The following EXOC6B variants were observed in gnomAD, a reference collection of about 807,000 sequenced individuals.
EXOC6B encodes exocyst complex component 6B.
In EXOC6B, 54 loss-of-function variants were observed where a neutral mutation model predicts 113.5. The ratio of observed to expected loss-of-function variants is 0.48; its 90% CI spans 0.38 to 0.60. The LOEUF (loss-of-function observed/expected upper bound fraction) is 0.60. EXOC6B is among the 20% of genes least tolerant of loss of function. The pLI is 0.00. For synonymous variants in EXOC6B, 357 were observed against 339.0 expected, an observed-to-expected ratio of 1.05 and a Z score of -0.58; for missense variants, 797 against 977.5, an observed-to-expected ratio of 0.82 and a Z score of 2.46.
At chr2:72,724,698 T>A (rs1043539765) in intron 5 of EXOC6B, among the ~76,000 whole-genome samples, 1 of 152,122 alleles carries the variant, frequency 6.6e-6, no homozygotes, top group Non-Finnish European at 1.5e-5. Context: ...TGTACATGTA[T>A]GTAAAGAAAA....
intron 17 of EXOC6B, among the ~76,000 whole-genome samples, chr2:72,466,017 G>T (rs553765073): frequency 1.8e-4 from 27 of 152,072 alleles, no homozygotes; most frequent in Non-Finnish European, 3.1e-4. Context: ...TCATATATGC[G>T]AGTGTTTCAT....
chr2:72,664,270 T>C (rs1675228646), intron 6 of EXOC6B, among the ~76,000 whole-genome samples: 1 of 151,352 alleles, frequency 6.6e-6, no homozygotes, highest in African/African-American at 2.4e-5. Context: ...AAACAGATCT[T>C]CAGAGAGAAA....
intron 20 of EXOC6B, among the ~76,000 whole-genome samples, chr2:72,274,827 AGTTT>A (rs1177782969): frequency 4.6e-5 from 7 of 152,198 alleles, no homozygotes; most frequent in Admixed American, 4.6e-4. Flanking sequence ...GAAGCTAAAC[AGTTT>A]GTTTAGTCTA....
intron 18 of EXOC6B, among the ~76,000 whole-genome samples, chr2:72,449,088 A>C (rs1218180241): frequency 6.6e-6 from 1 of 152,272 alleles, no homozygotes; most frequent in Non-Finnish European, 1.5e-5. Context: ...GCTTTTGGAA[A>C]TCTCCAGCCA....
At chr2:72,741,260 C>T (rs1319719382) in intron 2 of EXOC6B, 44 bp downstream of exon 2, 4 of 1,566,398 alleles carry the variant, frequency 2.6e-6, no homozygotes, top group Non-Finnish European at 3.5e-6. Flanking sequence ...TAATCAAAAC[C>T]CCAACACAGG....
chr2:72,355,192 C>T (rs1260260436), intron 19 of EXOC6B, among the ~76,000 whole-genome samples: 1 of 152,090 alleles, frequency 6.6e-6, no homozygotes, highest in Non-Finnish European at 1.5e-5. Flanking sequence ...AATGAATGAG[C>T]TATTGATTAC....
At chr2:72,507,945 A>T (rs1273344653) in intron 11 of EXOC6B, among the ~76,000 whole-genome samples, 1 of 150,150 alleles carries the variant, frequency 6.7e-6, no homozygotes, top group Non-Finnish European at 1.5e-5. Flanking sequence ...ACAAAAAAAC[A>T]TTGCTTTAGA....
intron 1 of EXOC6B, among the ~76,000 whole-genome samples, chr2:72,773,030 T>A (rs1558990407): frequency 1.3e-5 from 2 of 150,032 alleles, no homozygotes; most frequent in Non-Finnish European, 3.0e-5. Flanking sequence ...CAGAGAACTA[T>A]AAAAGAACAT....
intron 5 of EXOC6B, among the ~76,000 whole-genome samples, chr2:72,728,767 A>C (rs1303384714): frequency 6.6e-6 from 1 of 152,178 alleles, no homozygotes; most frequent in East Asian, 1.9e-4. Flanking sequence ...GAACCCAGGA[A>C]ATATACACAG....
chr2:72,530,643 C>G (rs1418766104), intron 8 of EXOC6B, among the ~76,000 whole-genome samples: 2 of 152,068 alleles, frequency 1.3e-5, no homozygotes, highest in Non-Finnish European at 2.9e-5. Context: ...AAATCCTGAC[C>G]AGTCATTTTA....
chr2:72,779,093 T>G (rs544863495), intron 1 of EXOC6B, among the ~76,000 whole-genome samples: 1 of 152,124 alleles, frequency 6.6e-6, no homozygotes, highest in Non-Finnish European at 1.5e-5. Context: ...ATTTTTCACT[T>G]ATCATCTTGC....
At chr2:72,513,841 T>G (rs1701071907) in intron 10 of EXOC6B, among the ~76,000 whole-genome samples, 1 of 152,078 alleles carries the variant, frequency 6.6e-6, no homozygotes, top group Non-Finnish European at 1.5e-5. Flanking sequence ...GCCTGCATTG[T>G]CTTGCCTAAA....
At chr2:72,588,538 G>T (rs1705725907) in intron 6 of EXOC6B, among the ~76,000 whole-genome samples, 1 of 151,902 alleles carries the variant, frequency 6.6e-6, no homozygotes, top group South Asian at 2.1e-4. Flanking sequence ...GGAATATGGG[G>T]CGTTAATGTT....
chr2:72,308,296 A>G (rs1361386835), intron 20 of EXOC6B, among the ~76,000 whole-genome samples: 1 of 152,188 alleles, frequency 6.6e-6, no homozygotes, highest in African/African-American at 2.4e-5. Flanking sequence ...ATCTTTAAAC[A>G]TCTCAGCTCT....
chr2:72,394,792 T>G (rs955080022), intron 18 of EXOC6B, among the ~76,000 whole-genome samples: 1 of 152,134 alleles, frequency 6.6e-6, no homozygotes, highest in African/African-American at 2.4e-5. Flanking sequence ...AAAGCCCTAT[T>G]AGTTCCTGTT....
rs560656342 is a variant in EXOC6B, at chr2:72,433,921, C to T, written c.1980+31239G>A. ...TCTTTCTCCTGCCTGATTGCCCTGG[C>T]GAGAACTTCCAATACTATGCTGAAT... is the stretch of plus-strand genomic sequence containing the variant. On this transcript the variant is annotated intron_variant, in intron 18 of 21. Coordinates refer to ENST00000272427, the MANE Select transcript of EXOC6B (RefSeq NM_015189.3). Among the ~76,000 whole-genome samples the T allele has an allele frequency of 3.3e-5, 5 of 152,262 alleles. No homozygotes were observed. The East Asian group carries it at 7.7e-4, about 24-fold the overall frequency.
intron 18 of EXOC6B, among the ~76,000 whole-genome samples, chr2:72,410,071 G>A (rs545881857): frequency 1.3e-5 from 2 of 152,176 alleles, no homozygotes; most frequent in South Asian, 4.1e-4. Context: ...TTCAACATTC[G>A]TTTTTCTGCT....
chr2:72,446,936 C>CTCT (rs1227073195), intron 18 of EXOC6B, among the ~76,000 whole-genome samples: 1 of 152,040 alleles, frequency 6.6e-6, no homozygotes, highest in African/African-American at 2.4e-5. Context: ...CCTGTCTCTA[C>CTCT]TAAAAATACA....
intron 18 of EXOC6B, among the ~76,000 whole-genome samples, chr2:72,440,307 A>G (rs1399036591): frequency 6.6e-6 from 1 of 152,238 alleles, no homozygotes; most frequent in African/African-American, 2.4e-5. Flanking sequence ...AATAAAGGCC[A>G]GGTCACCTAT....
Sources: gnomAD v4.1 joint callset for allele counts (sites outside exome capture counted in the v4.1 genomes callset) on GRCh38, gnomAD v4.1.1 for gene constraint, MANE v1.5 for transcripts, NCBI Gene and HGNC (gene_info 2026-07-23, HGNC 2026-07-21) for gene names.